FGFR2: variants seen among roughly 807,000 people sequenced by gnomAD.
FGFR2 encodes the protein BEK fibroblast growth factor receptor.
In FGFR2, 19 loss-of-function variants were observed where a neutral mutation model predicts 95.9. The ratio of observed to expected loss-of-function variants is 0.20; its 90% CI spans 0.14 to 0.29. The LOEUF is 0.29. Among genes scored for constraint, FGFR2 ranks in the 10% least tolerant of loss-of-function variants. The pLI, the probability that FGFR2 is intolerant of heterozygous loss-of-function variation, is 1.00. For missense variants in FGFR2, 707 were observed against 1,056.9 expected (o/e 0.67, Z 4.59); for synonymous variants, 392 against 393.3 (o/e 1.00, Z 0.04).
At chr10:121,489,050 C>T (rs1009602747) in intron 13 of FGFR2, among the ~76,000 whole-genome samples, 2 of 151,492 alleles carry the variant, frequency 1.3e-5, no homozygotes, top group African/African-American at 4.9e-5. Flanking sequence ...TTAAAATGGT[C>T]CCTCTGTTTA....
At chr10:121,534,985 A>C (rs1452441487) in intron 6 of FGFR2, among the ~76,000 whole-genome samples, 1 of 152,218 alleles carries the variant, frequency 6.6e-6, no homozygotes, top group Non-Finnish European at 1.5e-5. Context: ...AAAGTACTTA[A>C]GTTAAAAATA....
At chr10:121,588,293 G>A (rs1211132765) in intron 2 of FGFR2, among the ~76,000 whole-genome samples, 1 of 152,028 alleles carries the variant, frequency 6.6e-6, no homozygotes, top group Non-Finnish European at 1.5e-5. Context: ...TAGCTATTGG[G>A]TACTGGGCTT....
chr10:121,579,988 A>C (rs1168324552), intron 2 of FGFR2, among the ~76,000 whole-genome samples: 1 of 152,208 alleles, frequency 6.6e-6, no homozygotes, highest in Non-Finnish European at 1.5e-5. Context: ...ATATTGATGT[A>C]AACATTCAAT....
Position 121,593,904 on chromosome 10 carries a change from C to T in FGFR2, c.-87G>A, listed in dbSNP as rs747423954. The T allele has an allele frequency of 1.1e-5, 13 of 1,218,712 alleles. No homozygotes were observed. Among genetic ancestry groups the T allele is most frequent in the East Asian group, 2.3e-5 (1 of 42,678 alleles). The allele number at this position is 1,218,712 out of a possible 1,614,324, so 75.5% of individuals were successfully genotyped here. A position where few individuals can be genotyped will look rare whatever the true frequency, so the allele number is the denominator to read the frequency against. ...ACACTTCCTCTACGGGCATGGACTACGCGCAATGCCTTCAGCCTGCGGTGG... is the reference window on the plus strand; with the variant it reads ...ACACTTCCTCTACGGGCATGGACTATGCGCAATGCCTTCAGCCTGCGGTGG... On this transcript the variant is annotated 5_prime_UTR_variant, in exon 2 of 18. Coordinates refer to ENST00000358487, the MANE Select transcript of FGFR2 (RefSeq NM_000141.5).
At chr10:121,538,064 T>G (rs1853118940) in intron 6 of FGFR2, 1 of 473,210 alleles carries the variant, frequency 2.1e-6, no homozygotes, top group Non-Finnish European at 3.8e-6. Flanking sequence ...ACAGAGGAAA[T>G]AGATGCCAGG....
chr10:121,559,112 A>G (rs1229776805), intron 4 of FGFR2, among the ~76,000 whole-genome samples: 2 of 115,662 alleles, frequency 1.7e-5, no homozygotes, highest in South Asian at 2.5e-4. Context: ...CCAAAAGGAG[A>G]AAAAAAAAAA....
chr10:121,504,872 T>C (rs1263658096), intron 9 of FGFR2, among the ~76,000 whole-genome samples: 1 of 152,152 alleles, frequency 6.6e-6, no homozygotes, highest in Admixed American at 6.5e-5. Flanking sequence ...AGGCCACTTT[T>C]GAGGATGACT....
chr10:121,486,559 A>G (rs1589717802), intron 15 of FGFR2, among the ~76,000 whole-genome samples: 2 of 152,304 alleles, frequency 1.3e-5, no homozygotes, highest in East Asian at 1.9e-4. Flanking sequence ...CTCCTGCCTC[A>G]GCCTCCCAAG....
chr10:121,506,639 T>C (rs909185987), intron 9 of FGFR2, among the ~76,000 whole-genome samples: 2 of 152,026 alleles, frequency 1.3e-5, no homozygotes, highest in East Asian at 3.9e-4. Flanking sequence ...TCCCTGAAAA[T>C]CACCGCTCTC....
chr10:121,508,793 A>C (rs544890295), intron 9 of FGFR2, among the ~76,000 whole-genome samples: 1 of 152,372 alleles, frequency 6.6e-6, no homozygotes, highest in African/African-American at 2.4e-5. Flanking sequence ...GCAAAGTCTA[A>C]GAAACTATAG....
At chr10:121,579,353 G>A (rs982010623) in intron 2 of FGFR2, among the ~76,000 whole-genome samples, 9 of 152,310 alleles carry the variant, frequency 5.9e-5, no homozygotes, top group Middle Eastern at 3.4e-3. Flanking sequence ...TTTACGGGGC[G>A]TAACTGGCCT....
intron 10 of FGFR2, among the ~76,000 whole-genome samples, chr10:121,503,209 C>A (rs1450578476): frequency 1.3e-5 from 2 of 152,214 alleles, no homozygotes; most frequent in African/African-American, 4.8e-5. Flanking sequence ...CCCAACACCA[C>A]CCAGGTGGCC....
chr10:121,572,892 A>AG (rs1023270896), intron 2 of FGFR2, among the ~76,000 whole-genome samples: 1 of 152,222 alleles, frequency 6.6e-6, no homozygotes, highest in African/African-American at 2.4e-5. Context: ...GTAAACAGAG[A>AG]GAAAAAAATC....
Position 121,518,506 on chromosome 10 carries a change from T to C in FGFR2, c.940-1043A>G, listed in dbSNP as rs1167720854. Among the ~76,000 whole-genome samples the C allele has an allele frequency of 6.6e-6, 1 of 152,178 alleles. No homozygotes were observed. The highest frequency in any genetic ancestry group is 2.4e-5 in the African/African-American group (1 of 41,456). ...AAGCACTTTGAACGTTGTGGGCATT[T>C]TTCCATGGCTACTGGCATCATACCA... On this transcript the variant is annotated intron_variant, in intron 7 of 17. Coordinates refer to ENST00000358487, the MANE Select transcript of FGFR2 (RefSeq NM_000141.5). This position sits in a 1 kb window ranked among gnomAD's most constrained non-coding sequence, Gnocchi z 4.0.
Position 121,483,767 on chromosome 10 carries a change from G to A in FGFR2, c.2232C>T (p.Pro744=), listed in dbSNP as rs142639988. ...ACTGCTTGAACGTTGGTCTCTGGGA[G>A]GGCACTGCATGCCAACAGTCCCTCA... ...MMMRDCWHAV[P]SQRPTFKQLV... The change falls in exon 17 of 18, where the codon CCC becomes CCT. Residue 744 remains proline (P), a synonymous_variant. Transcript: ENST00000358487. 6.6e-5 allele frequency: 106 copies of A among 1,613,958 alleles called. No homozygotes were observed. The African/African-American group carries it at 1.2e-3, about 18-fold the overall frequency.
intron 5 of FGFR2, among the ~76,000 whole-genome samples, chr10:121,543,285 A>C (rs1854030616): frequency 1.3e-5 from 2 of 152,124 alleles, no homozygotes; most frequent in South Asian, 4.1e-4. Context: ...CGAGGCGGGC[A>C]GATCATTTGA....
At chr10:121,511,191 C>G (rs920006843) in intron 9 of FGFR2, among the ~76,000 whole-genome samples, 1 of 151,560 alleles carries the variant, frequency 6.6e-6, no homozygotes, top group African/African-American at 2.4e-5. Context: ...AAAAAAAAAA[C>G]CACCCTGCAG....
intron 6 of FGFR2, among the ~76,000 whole-genome samples, chr10:121,534,517 T>A (rs544976197): frequency 4.6e-5 from 7 of 152,178 alleles, no homozygotes; most frequent in Non-Finnish European, 7.4e-5. Context: ...TACCTCAGCT[T>A]CCCGAGTAGC....
chr10:121,496,773 T>C (rs1490179597), intron 12 of FGFR2, 51 bp from the exon 13 acceptor site: 39 of 1,552,240 alleles, frequency 2.5e-5, no homozygotes, highest in Non-Finnish European at 3.4e-5. Flanking sequence ...GGGTCTCCCC[T>C]TGGGCAATTC....
Sources: gnomAD v4.1 joint callset for allele counts (sites outside exome capture counted in the v4.1 genomes callset) on GRCh38, gnomAD v4.1.1 for gene constraint, Gnocchi (gnomAD v3.1) non-coding constraint, MANE v1.5 for transcripts, NCBI Gene and HGNC (gene_info 2026-07-23, HGNC 2026-07-21) for gene names.